The following SGCZ variants were observed in gnomAD, a reference collection of about 807,000 sequenced individuals.
SGCZ encodes sarcoglycan zeta, also known as zeta-sarcoglycan.
A neutral mutation model predicts 41.3 loss-of-function variants in SGCZ; 40 were observed. The ratio of observed to expected loss-of-function variants is 0.97; its 90% CI spans 0.75 to 1.26. The LOEUF (loss-of-function observed/expected upper bound fraction) is 1.26. SGCZ is among the 50% of genes most tolerant of loss of function. SGCZ has a pLI of 0.00. For missense variants in SGCZ, 552 were observed against 369.8 expected, an observed-to-expected ratio of 1.49 and a Z score of -4.04; for synonymous variants, 206 against 137.5, an observed-to-expected ratio of 1.50 and a Z score of -3.49.
At chr8:14,623,671 G>A (rs1016070652) in intron 1 of SGCZ, among the ~76,000 whole-genome samples, 2 of 152,144 alleles carry the variant, frequency 1.3e-5, no homozygotes, top group African/African-American at 4.8e-5. Context: ...ACAAAAGTAA[G>A]TAATGTTTAT....
intron 1 of SGCZ, among the ~76,000 whole-genome samples, chr8:14,833,324 G>A (rs1443557621): frequency 1.3e-5 from 2 of 151,738 alleles, no homozygotes; most frequent in Non-Finnish European, 2.9e-5. Flanking sequence ...CAACTGGAAA[G>A]AAAAAAAACC....
chr8:15,126,528 G>C (rs1211580659), intron 1 of SGCZ, among the ~76,000 whole-genome samples: 1 of 152,152 alleles, frequency 6.6e-6, no homozygotes, highest in African/African-American at 2.4e-5. Context: ...TGTTGGAGTA[G>C]ACAGGAACAG....
chr8:14,663,381 T>C (rs895838064), intron 1 of SGCZ, among the ~76,000 whole-genome samples: 7 of 152,210 alleles, frequency 4.6e-5, no homozygotes, highest in African/African-American at 1.7e-4. Flanking sequence ...GTGGAAACTA[T>C]GTATTGCTAT....
intron 1 of SGCZ, among the ~76,000 whole-genome samples, chr8:15,088,787 A>G (rs1461751488): frequency 6.6e-6 from 1 of 152,164 alleles, no homozygotes; most frequent in African/African-American, 2.4e-5. Flanking sequence ...GTATCATAAA[A>G]CACATCATGT....
At chr8:14,430,575 C>T (rs1185800466) in intron 2 of SGCZ, among the ~76,000 whole-genome samples, 2 of 152,058 alleles carry the variant, frequency 1.3e-5, no homozygotes, top group African/African-American at 4.8e-5. Flanking sequence ...ATAACAAACC[C>T]ACGGCCAACA....
chr8:14,178,634 A>C (rs966007195), intron 4 of SGCZ, among the ~76,000 whole-genome samples: 30 of 152,240 alleles, frequency 2.0e-4, no homozygotes, highest in African/African-American at 7.2e-4. Context: ...TCACCAGCAA[A>C]GATGCCCATG....
intron 1 of SGCZ, among the ~76,000 whole-genome samples, chr8:14,564,697 T>G (rs945427707): frequency 6.6e-6 from 1 of 152,160 alleles, no homozygotes; most frequent in Admixed American, 6.6e-5. Context: ...TGAAATAGAA[T>G]TTTTAAAACA....
intron 1 of SGCZ, among the ~76,000 whole-genome samples, chr8:14,819,208 T>G (rs1409951788): frequency 6.6e-6 from 1 of 151,840 alleles, no homozygotes; most frequent in African/African-American, 2.4e-5. Context: ...ATAAGGGAAC[T>G]CCCATTAGAC....
At position 15,137,691 on chromosome 8, in the gene SGCZ, C is replaced by T. The variant is rs148756810; in HGVS notation, c.39+99894G>A. 5.4e-3 allele frequency among the ~76,000 whole-genome samples: 819 copies of T among 152,326 alleles called. 3 individuals carry two copies. Among genetic ancestry groups the T allele is most frequent in the Non-Finnish European group, 8.1e-3 (550 of 68,038 alleles). ...TCATGTGGTGTTGAGCCTGCAGCTA[C>T]ACAGAAGTCAAGAAGTGAGGTTTGG... is the stretch of plus-strand genomic sequence containing the variant. On this transcript the variant is annotated intron_variant, in intron 1 of 7. Transcript: ENST00000382080.
intron 1 of SGCZ, among the ~76,000 whole-genome samples, chr8:15,052,718 C>A (rs1003579430): frequency 6.6e-6 from 1 of 152,004 alleles, no homozygotes; most frequent in African/African-American, 2.4e-5. Context: ...AAATGCTAAA[C>A]ACCTAATAAA....
intron 4 of SGCZ, among the ~76,000 whole-genome samples, chr8:14,199,677 C>G (rs776335322): frequency 6.6e-5 from 10 of 152,090 alleles, no homozygotes; most frequent in Non-Finnish European, 1.2e-4. Context: ...CCCTTTATTT[C>G]TCAGACTGGC....
At chr8:14,332,305 G>A (rs1802358390) in intron 2 of SGCZ, among the ~76,000 whole-genome samples, 1 of 152,084 alleles carries the variant, frequency 6.6e-6, no homozygotes, top group African/African-American at 2.4e-5. Context: ...GTCGGGCGTG[G>A]TGGTGGGTGC....
At chr8:14,922,419 T>G (rs944872198) in intron 1 of SGCZ, among the ~76,000 whole-genome samples, 4 of 152,082 alleles carry the variant, frequency 2.6e-5, no homozygotes, top group African/African-American at 9.7e-5. Context: ...TTCGAGTGAA[T>G]ATGGGCTACC....
At chr8:15,182,574 T>G (rs12682525) in intron 1 of SGCZ, among the ~76,000 whole-genome samples, 3,277 of 152,202 alleles carry the variant, frequency 0.022, 248 homozygotes, top group Admixed American at 0.14. Context: ...GCATAAAAGA[T>G]TTTTTTAAGT....
At chr8:14,103,219 A>ACAGT (rs942364001) in intron 6 of SGCZ, among the ~76,000 whole-genome samples, 5 of 152,210 alleles carry the variant, frequency 3.3e-5, no homozygotes, top group Non-Finnish European at 7.3e-5. Flanking sequence ...AGTGTTTTAG[A>ACAGT]CAGTCAGAGT....
At chr8:14,981,539 A>T (rs1801662717) in intron 1 of SGCZ, among the ~76,000 whole-genome samples, 1 of 152,200 alleles carries the variant, frequency 6.6e-6, no homozygotes, top group Admixed American at 6.5e-5. Context: ...TTCCTTAACC[A>T]TTTAAACAAT....
chr8:14,828,191 G>A lies in SGCZ; in HGVS notation c.40-273265C>T, dbSNP rs78894199. On this transcript the variant is annotated intron_variant, in intron 1 of 7. Transcript: ENST00000382080. ...GAATCTTTACAAAAAGTTTATGGGA[G>A]CAATGCCCCAAAGAAATGACCAGTT... 4.0e-4 allele frequency among the ~76,000 whole-genome samples: 61 copies of A among 152,100 alleles called. 1 individual carries two copies. The highest frequency in any genetic ancestry group is 7.4e-4 in the Non-Finnish European group (50 of 68,006).
chr8:14,796,860 C>A (rs1801149756), intron 1 of SGCZ, among the ~76,000 whole-genome samples: 1 of 152,054 alleles, frequency 6.6e-6, no homozygotes, highest in Non-Finnish European at 1.5e-5. Context: ...GAGTAAGTAC[C>A]CACAAGATCT....
intron 2 of SGCZ, among the ~76,000 whole-genome samples, chr8:14,502,715 G>C (rs1488343067): frequency 6.6e-6 from 1 of 152,122 alleles, no homozygotes; most frequent in African/African-American, 2.4e-5. Flanking sequence ...ATCATCACTG[G>C]TCATTGGAGA....
Sources: allele counts gnomAD v4.1 joint callset (sites outside exome capture counted in the v4.1 genomes callset), GRCh38; gene constraint gnomAD v4.1.1; transcripts MANE v1.5; gene names NCBI Gene and HGNC (gene_info 2026-07-23, HGNC 2026-07-21).